SV2A: variants seen among roughly 807,000 people sequenced by gnomAD.
The protein encoded by SV2A is solute carrier family 22 member B1.
A neutral mutation model predicts 78.0 loss-of-function variants in SV2A; 25 were observed. The observed-to-expected ratio is 0.32, with a 90% confidence interval of 0.23 to 0.45. SV2A has a LOEUF of 0.45. Ranked by LOEUF, SV2A falls within the 20% of genes least tolerant of loss-of-function variation. The pLI, the probability that SV2A is intolerant of heterozygous loss-of-function variation, is 1.00. For synonymous variants in SV2A, 355 were observed against 384.7 expected (o/e 0.92, Z 0.90); for missense variants, 752 against 971.5 (o/e 0.77, Z 3.00).
At chr1:149,908,294 T>C in intron 8 of SV2A, 88 bp from the exon 9 acceptor site, 2 of 1,469,660 alleles carry the variant, frequency 1.4e-6, no homozygotes, top group Non-Finnish European at 9.3e-7. Context: ...AACGGAAATG[T>C]GTATCATCTC....
Position 149,905,030 on chromosome 1 carries a change from C to T in SV2A, c.2213G>A (p.Gly738Glu), listed in dbSNP as rs1553762472. Residue 738 changes from glycine (G) to glutamate (E), a missense_variant, in exon 13 of 13, where the codon GGG becomes GAG. By Grantham distance (98) the Gly-to-Glu change is moderately conservative. Coordinates refer to ENST00000369146, the MANE Select transcript of SV2A (RefSeq NM_014849.5). ...SLALKLPETR[G>E]QVLQ is the part of the protein sequence containing the mutation. ...GAGACCCCTTCACTGCAGCACCTGCCCCCGGGTCTCAGGCAGCTTCAGGGC... is the reference window on the plus strand; with the variant it reads ...GAGACCCCTTCACTGCAGCACCTGCTCCCGGGTCTCAGGCAGCTTCAGGGC... The T allele has an allele frequency of 1.5e-5, 24 of 1,611,384 alleles. No homozygotes were observed. The highest frequency in any genetic ancestry group is 1.9e-5 in the Non-Finnish European group (22 of 1,178,996).
At chr1:149,917,476 G>T (rs1553764701) in intron 1 of SV2A, among the ~76,000 whole-genome samples, 1 of 152,070 alleles carries the variant, frequency 6.6e-6, no homozygotes, top group Non-Finnish European at 1.5e-5. Context: ...GTGGGGACTT[G>T]GTTAAGGTAG....
At chr1:149,913,134 C>A in intron 2 of SV2A, 85 bp downstream of exon 2, 1 of 1,532,964 alleles carries the variant, frequency 6.5e-7, no homozygotes, top group Non-Finnish European at 8.8e-7. Context: ...CCTAGGGAAC[C>A]CAGTGGTAAG....
At chr1:149,909,970 G>A in intron 5 of SV2A, 80 bp from the exon 6 acceptor site, 2 of 1,359,028 alleles carry the variant, frequency 1.5e-6, no homozygotes, top group Non-Finnish European at 2.1e-6. Context: ...CTCCCACCTG[G>A]CTTCTGTAGT....
At position 149,910,602 on chromosome 1, in the gene SV2A, T is replaced by C; in HGVS notation, c.1057A>G (p.Thr353Ala). Reference sequence around the variant, plus strand: ...AAGAAACGGGGGCTCTCAGGCTGCGTGGTCAGAGCCCCAATGGCAAACACA... The same window carrying C: ...AAGAAACGGGGGCTCTCAGGCTGCGCGGTCAGAGCCCCAATGGCAAACACA... ...PSVFAIGALT[T>A]QPESPRFFLE... Residue 353 changes from threonine (T) to alanine (A), a missense_variant, in exon 5 of 13, where the codon ACG becomes GCG. Thr to Ala is a moderately conservative substitution (Grantham distance 58). Coordinates refer to ENST00000369146, the MANE Select transcript of SV2A (RefSeq NM_014849.5). This position sits in a 1 kb window ranked among gnomAD's most constrained non-coding sequence, Gnocchi z 4.2. The C allele has an allele frequency of 6.2e-7, 1 of 1,612,388 alleles. No individual in the cohort carries two copies. Among genetic ancestry groups the C allele is most frequent in the South Asian group, 1.1e-5 (1 of 90,740 alleles).
chr1:149,908,248 G>T, intron 8 of SV2A, 42 bp from the exon 9 acceptor site: 1 of 1,594,064 alleles, frequency 6.3e-7, no homozygotes, highest in South Asian at 1.1e-5. Flanking sequence ...CAGGGCTTCA[G>T]ACAAGGCTCA....
intron 8 of SV2A, among the ~76,000 whole-genome samples, chr1:149,908,829 G>T (rs2092456044): frequency 6.6e-6 from 1 of 152,018 alleles, no homozygotes; most frequent in South Asian, 2.1e-4. Flanking sequence ...GTAGAGACGG[G>T]GTTTCACCGT....
In SV2A at chr1:149,907,879, C is replaced by A. The variant is rs377240649; in HGVS notation, c.1545-46G>T. 8 of 1,602,142 alleles carry A rather than the reference C, an allele frequency of 5.0e-6. No homozygotes were observed. The African/African-American group carries it at 9.4e-5, about 19-fold the overall frequency. ...AAGACACTCCCCCGTCATCCTCATGCCCCCTCCAAGACTCACTCTTTAGCG... is the reference window on the plus strand; with the variant it reads ...AAGACACTCCCCCGTCATCCTCATGACCCCTCCAAGACTCACTCTTTAGCG... On this transcript the variant is annotated intron_variant, in intron 9 of 12. Transcript: ENST00000369146.
chr1:149,905,628 A>T, intron 12 of SV2A: 1 of 424,242 alleles, frequency 2.4e-6, no homozygotes, highest in Non-Finnish European at 4.3e-6. Flanking sequence ...TTTTTAGTAC[A>T]GACAGGGTTT....
intron 11 of SV2A, 94 bp from the exon 12 acceptor site, chr1:149,906,133 C>T: frequency 6.8e-7 from 1 of 1,467,322 alleles, no homozygotes; most frequent in Non-Finnish European, 9.2e-7. Flanking sequence ...TCAGATAGCC[C>T]AGGATGAGAC....
At chr1:149,907,554 G>T in intron 10 of SV2A, 146 bp downstream of exon 10, 1 of 860,310 alleles carries the variant, frequency 1.2e-6, no homozygotes, top group Non-Finnish European at 1.7e-6. Flanking sequence ...AATTATTGGT[G>T]GTAGCTATCA....
intron 10 of SV2A, 44 bp downstream of exon 10, chr1:149,907,656 C>T (rs1553762953): frequency 1.3e-6 from 2 of 1,591,392 alleles, no homozygotes; most frequent in Non-Finnish European, 1.7e-6. Flanking sequence ...CATCAAGGTC[C>T]ACCCAACCCT....
In SV2A at chr1:149,913,825, G is replaced by A. The variant is rs1553764189; in HGVS notation, c.16C>T (p.Arg6Ter). Residue 6 changes from arginine to a stop codon, truncating the protein, a stop_gained, in exon 2 of 13, where the codon CGA becomes TGA. Transcript: ENST00000369146. LOFTEE classifies it high-confidence loss of function. ...CCACGGATGAAAGCTGCCCGGTCTC[G>A]GAAGCCCTCTTCCATGATGGGGCTT... is the stretch of plus-strand genomic sequence containing the variant. The part of the protein sequence containing the change: MEEGF[R>*]DRAAFIRGAK... The A allele has an allele frequency of 1.9e-6, 3 of 1,608,608 alleles. No individual in the cohort carries two copies. The highest frequency in any genetic ancestry group is 1.3e-5 in the African/African-American group (1 of 74,720).
Position 149,913,211 on chromosome 1 carries a change from T to C in SV2A, c.622+8A>G, listed in dbSNP as rs1553764016. On this transcript the variant is annotated splice_region_variant and intron_variant, in intron 2 of 12. Transcript: ENST00000369146. The stretch of plus-strand genomic sequence containing the variant: ...GAGGGGATAAGGCTGGAGCCCCCCA[T>C]GTCTTACCTAGCATGCCTTTGTTGG... 1 of 1,611,746 alleles carries C rather than the reference T, an allele frequency of 6.2e-7. No individual in the cohort carries two copies. Among genetic ancestry groups the C allele is most frequent in the Admixed American group, 1.7e-5 (1 of 59,954 alleles).
intron 12 of SV2A, chr1:149,905,456 C>CTTT (rs782048028): frequency 2.2e-4 from 53 of 244,696 alleles, no homozygotes; most frequent in South Asian, 8.4e-4. Flanking sequence ...TTTTTTTTTC[C>CTTT]TTTTTTTTTT....
At position 149,910,449 on chromosome 1, in the gene SV2A, G is replaced by A; in HGVS notation, c.1089+121C>T. ...CCTGGAGAGTGGACTCTGTGAGGAA[G>A]GCAGGCAGTCAAACAGGATCAAATC... On this transcript the variant is annotated intron_variant, in intron 5 of 12. Coordinates refer to ENST00000369146, the MANE Select transcript of SV2A (RefSeq NM_014849.5). This position sits in a 1 kb window ranked among gnomAD's most constrained non-coding sequence, Gnocchi z 4.2. 1 of 1,354,360 alleles carries A rather than the reference G, an allele frequency of 7.4e-7. No homozygotes were observed. Among genetic ancestry groups the A allele is most frequent in the Non-Finnish European group, 9.8e-7 (1 of 1,022,872 alleles). The allele number at this position is 1,354,360 out of a possible 1,614,324, so 83.9% of individuals were successfully genotyped here.
chr1:149,915,376 G>T (rs1481568889), intron 1 of SV2A, among the ~76,000 whole-genome samples: 2 of 152,058 alleles, frequency 1.3e-5, no homozygotes, highest in African/African-American at 4.8e-5. Context: ...CAGTAGCTGG[G>T]CCCACATTAA....
At chr1:149,912,244 T>TCA (rs2092480117) in intron 2 of SV2A, among the ~76,000 whole-genome samples, 1 of 152,162 alleles carries the variant, frequency 6.6e-6, no homozygotes, top group Non-Finnish European at 1.5e-5. Context: ...TTTCTCACTC[T>TCA]GACACACACA....
In SV2A at chr1:149,914,012, G is replaced by T; in HGVS notation, c.-172C>A. On this transcript the variant is annotated 5_prime_UTR_variant, in exon 2 of 13. Transcript: ENST00000369146. ...AGCAAACAGGTCCTAGCCAATGAGT[G>T]CCTAGGAAGGAAAAGGAAGGAGAGG... is the stretch of plus-strand genomic sequence containing the variant. The T allele has an allele frequency of 1.0e-6, 1 of 989,500 alleles. No homozygotes were observed. Among genetic ancestry groups the T allele is most frequent in the Non-Finnish European group, 1.4e-6 (1 of 696,744 alleles). 61.3% of individuals were successfully genotyped at this position (989,500 alleles called of 1,614,324 possible).
Sources: gnomAD v4.1 joint callset for allele counts (sites outside exome capture counted in the v4.1 genomes callset) on GRCh38, gnomAD v4.1.1 for gene constraint, Gnocchi (gnomAD v3.1) non-coding constraint, MANE v1.5 for transcripts, NCBI Gene and HGNC (gene_info 2026-07-23, HGNC 2026-07-21) for gene names.